Variants in GPR141 observed in about 807,000 individuals in gnomAD.
GPR141 encodes G protein-coupled receptor 141.
In GPR141, 6 loss-of-function variants were observed where a neutral mutation model predicts 6.8. That is an observed-to-expected ratio of 0.88 (90% CI 0.48 to 1.74). GPR141 has a LOEUF of 1.74. GPR141 is among the 40% of genes most tolerant of loss of function. The pLI is 0.01. For synonymous variants in GPR141, 140 were observed against 142.3 expected (o/e 0.98, Z 0.11); for missense variants, 372 against 372.9 (o/e 1.00, Z 0.02).
At chr7:37,715,910 T>C (rs1811025958) in intron 2 of GPR141, among the ~76,000 whole-genome samples, 1 of 152,204 alleles carries the variant, frequency 6.6e-6, no homozygotes, top group African/African-American at 2.4e-5. Flanking sequence ...CTGAAATTCA[T>C]TCTGATTAAA....
At position 37,732,134 on chromosome 7, in the gene GPR141, T is replaced by TTC. The variant is rs202235335; in HGVS notation, c.-14-8236_-14-8235dup. Among the ~76,000 whole-genome samples, 300 of 145,358 alleles carry TTC rather than the reference T, an allele frequency of 2.1e-3. 2 individuals carry two copies. Among genetic ancestry groups the TTC allele is most frequent in the African/African-American group, 7.1e-3 (273 of 38,408 alleles). ...AGAACTTTCTAACTTCTCCTTTTCT[T>TTC]TCTCTCTCTCTTTTTTTTTTTTTTT... On this transcript the variant is annotated intron_variant, in intron 2 of 2. Coordinates refer to ENST00000334425, the MANE Select transcript of GPR141 (RefSeq NM_001381946.1).
chr7:37,704,605 C>G (rs1221037185), intron 2 of GPR141, among the ~76,000 whole-genome samples: 1 of 152,208 alleles, frequency 6.6e-6, no homozygotes, highest in East Asian at 1.9e-4. Flanking sequence ...GATTACAGTT[C>G]AAGATGAGAT....
At chr7:37,718,323 C>T (rs1652546272) in intron 2 of GPR141, among the ~76,000 whole-genome samples, 1 of 152,106 alleles carries the variant, frequency 6.6e-6, no homozygotes, top group South Asian at 2.1e-4. Context: ...ACCTGGGCAA[C>T]ATAACAAGAC....
rs1337696937 is a variant in GPR141 at position 37,743,026 on chromosome 7, G to GT, written c.*1723dup. 6.6e-5 allele frequency among the ~76,000 whole-genome samples: 10 copies of GT among 151,442 alleles called. No individual in the cohort carries two copies. The highest frequency in any genetic ancestry group is 2.1e-4 in the South Asian group (1 of 4,798). ...AGGCTTGTGGGTTTTTGCTTTTTGGGTTTTTTTTGCTCCTGCCCATACTTC... is the reference window on the plus strand; with the variant it reads ...AGGCTTGTGGGTTTTTGCTTTTTGGGTTTTTTTTTGCTCCTGCCCATACTTC... On this transcript the variant is annotated 3_prime_UTR_variant, in exon 3 of 3. Transcript: ENST00000334425.
chr7:37,684,535 TTTTAC>T (rs1809416621), intron 1 of GPR141, among the ~76,000 whole-genome samples: 1 of 152,198 alleles, frequency 6.6e-6, no homozygotes, highest in Admixed American at 6.5e-5. Context: ...GTTCAAATAA[TTTTAC>T]TTTAAGTAAA....
At chr7:37,688,409 G>C (rs1562763147) in intron 2 of GPR141, among the ~76,000 whole-genome samples, 1 of 152,000 alleles carries the variant, frequency 6.6e-6, no homozygotes, top group Non-Finnish European at 1.5e-5. Context: ...TTCAACCTGG[G>C]CAACAAGAGC....
In GPR141 at chr7:37,695,621, C is replaced by A. The variant is rs368493436; in HGVS notation, c.-15+10038C>A. Among the ~76,000 whole-genome samples the A allele has an allele frequency of 2.6e-5, 4 of 152,256 alleles. No individual in the cohort carries two copies. The East Asian group carries it at 7.7e-4, about 29-fold the overall frequency. Reference sequence around the variant, plus strand: ...TCTCTATGTGGGTATCCTAAGTTTCCGTGTTCACTCAGGTTTCTATTACTT... The same window carrying A: ...TCTCTATGTGGGTATCCTAAGTTTCAGTGTTCACTCAGGTTTCTATTACTT... On this transcript the variant is annotated intron_variant, in intron 2 of 2. Coordinates refer to ENST00000334425, the MANE Select transcript of GPR141 (RefSeq NM_001381946.1).
intron 2 of GPR141, among the ~76,000 whole-genome samples, chr7:37,692,975 A>AT (rs1250843297): frequency 6.6e-6 from 1 of 151,728 alleles, no homozygotes; most frequent in Non-Finnish European, 1.5e-5. Context: ...CAGTTGTTTT[A>AT]TTTTTTTGCT....
At chr7:37,706,942 A>G (rs1810551041) in intron 2 of GPR141, among the ~76,000 whole-genome samples, 2 of 152,126 alleles carry the variant, frequency 1.3e-5, no homozygotes. Context: ...CTCTCTCCTG[A>G]GAGCAACCAC....
intron 2 of GPR141, among the ~76,000 whole-genome samples, chr7:37,708,622 C>G (rs1040122158): frequency 6.6e-6 from 1 of 152,096 alleles, no homozygotes; most frequent in African/African-American, 2.4e-5. Flanking sequence ...CTCCAAGAAA[C>G]TCAAGAGGGA....
intron 2 of GPR141, among the ~76,000 whole-genome samples, chr7:37,708,331 A>C (rs866153628): frequency 1.6e-3 from 237 of 151,162 alleles, no homozygotes; most frequent in Middle Eastern, 0.014. Flanking sequence ...AAAAAAAAAA[A>C]AAAACGCAAA....
At chr7:37,736,929 A>G in intron 2 of GPR141, among the ~76,000 whole-genome samples, 1 of 152,320 alleles carries the variant, frequency 6.6e-6, no homozygotes, top group South Asian at 2.1e-4. Flanking sequence ...TAATGATACA[A>G]TACAATAATA....
chr7:37,734,481 T>C (rs773198243), intron 2 of GPR141, among the ~76,000 whole-genome samples: 1 of 152,050 alleles, frequency 6.6e-6, no homozygotes, highest in East Asian at 1.9e-4. Context: ...GATAAAAGAG[T>C]GGAAAATAAT....
chr7:37,725,832 T>G (rs1811600374), intron 2 of GPR141, among the ~76,000 whole-genome samples: 1 of 151,920 alleles, frequency 6.6e-6, no homozygotes, highest in African/African-American at 2.4e-5. Flanking sequence ...ATTTACCATG[T>G]TTGCTTTGTT....
chr7:37,718,060 T>C (rs1811131403), intron 2 of GPR141, among the ~76,000 whole-genome samples: 1 of 151,938 alleles, frequency 6.6e-6, no homozygotes, highest in African/African-American at 2.4e-5. Flanking sequence ...TTAGAAGCCC[T>C]AAATTCAGCA....
intron 2 of GPR141, among the ~76,000 whole-genome samples, chr7:37,709,030 T>G (rs1810669851): frequency 1.3e-5 from 2 of 152,214 alleles, no homozygotes; most frequent in African/African-American, 4.8e-5. Context: ...CTATAGCACC[T>G]ATTTTGAGTG....
intron 2 of GPR141, among the ~76,000 whole-genome samples, chr7:37,730,584 C>T (rs542356244): frequency 5.9e-4 from 90 of 152,316 alleles, no homozygotes; most frequent in African/African-American, 2.0e-3. Flanking sequence ...ATATAACACG[C>T]GTCAAAGCCA....
chr7:37,699,377 C>T (rs549988004), intron 2 of GPR141, among the ~76,000 whole-genome samples: 3 of 152,202 alleles, frequency 2.0e-5, no homozygotes, highest in South Asian at 2.1e-4. Context: ...CTGGCTAACA[C>T]GGTGAAACCC....
At chr7:37,739,241 G>C (rs1812408071) in intron 2 of GPR141, among the ~76,000 whole-genome samples, 1 of 152,198 alleles carries the variant, frequency 6.6e-6, no homozygotes, top group Admixed American at 6.5e-5. Context: ...AATTGCATAT[G>C]TGTTGCAAAG....
Sources: gnomAD v4.1 joint callset for allele counts (sites outside exome capture counted in the v4.1 genomes callset) on GRCh38, gnomAD v4.1.1 for gene constraint, MANE v1.5 for transcripts, NCBI Gene and HGNC (gene_info 2026-07-23, HGNC 2026-07-21) for gene names.